Variants in DDC observed in about 807,000 individuals in gnomAD.
DDC encodes the protein aromatic-L-amino-acid decarboxylase.
Under a neutral mutation model 60.0 loss-of-function variants are expected in DDC, and 43 were observed. That is an observed-to-expected ratio of 0.72 (90% CI 0.56 to 0.92). The LOEUF is 0.92. DDC is among the 40% of genes least tolerant of loss of function. The pLI, the probability that DDC is intolerant of heterozygous loss-of-function variation, is 0.00. For missense variants in DDC, 573 were observed against 620.2 expected (o/e 0.92, Z 0.81); for synonymous variants, 232 against 234.6 (o/e 0.99, Z 0.10).
chr7:50,483,746 C>CA (rs1279552901), intron 9 of DDC, among the ~76,000 whole-genome samples: 58 of 151,600 alleles, frequency 3.8e-4, no homozygotes, highest in African/African-American at 6.8e-4. Context: ...ACTAAAAATA[C>CA]AAAAAAAATT....
At chr7:50,499,308 C>T in intron 7 of DDC, 66 bp from the exon 8 acceptor site, 2 of 1,101,244 alleles carry the variant, frequency 1.8e-6, no homozygotes, top group African/African-American at 1.5e-5. Flanking sequence ...GCCAGCTGAC[C>T]TCGCCCTGTC....
At chr7:50,533,740 C>A (rs545151975) in intron 4 of DDC, among the ~76,000 whole-genome samples, 1 of 152,182 alleles carries the variant, frequency 6.6e-6, no homozygotes, top group African/African-American at 2.4e-5. Context: ...AAAAGAGTGA[C>A]GTGGCCCACA....
rs542063660 is a variant in DDC, at chr7:50,467,222, G to A, written c.1234C>T (p.Arg412Trp). Reference protein sequence around the residue: ...VEVILGLVCFRLKGSNKVNEA... With the variant: ...VEVILGLVCFWLKGSNKVNEA... ...AATAGATGTAGACAAACCTTTAGCC[G>A]AAAGCAGACAAGCCCCAGAATGACT... Residue 412 changes from arginine (R) to tryptophan (W), a missense_variant, in exon 13 of 15, where the codon CGG (arginine) becomes TGG (tryptophan). Transcript: ENST00000444124. The A allele has an allele frequency of 8.1e-6, 13 of 1,613,664 alleles. No individual in the cohort carries two copies. Among genetic ancestry groups the A allele is most frequent in the African/African-American group, 2.7e-5 (2 of 75,036 alleles).
rs749962958 is a variant in DDC at position 50,499,232 on chromosome 7, T to C, written c.792A>G (p.Glu264=). Reference sequence around the variant, plus strand: ...CTGCATCAACGTGCAGCCATATGTCTTCCTTGTTGCCTAAAGTTCAGAATC... The same window carrying C: ...CTGCATCAACGTGCAGCCATATGTCCTCCTTGTTGCCTAAAGTTCAGAATC... ...LLEVGPICNK[E]DIWLHVDAAY... Residue 264 remains glutamate (E), a synonymous_variant, in exon 8 of 15, where the codon GAA becomes GAG. Coordinates refer to ENST00000444124, the MANE Select transcript of DDC (RefSeq NM_001082971.2). 1.9e-6 allele frequency: 3 copies of C among 1,612,856 alleles called. No individual in the cohort carries two copies. In the African/African-American group the frequency reaches 4.0e-5, roughly 22 times the overall value.
At chr7:50,477,479 A>C in intron 10 of DDC, 1 of 455,084 alleles carries the variant, frequency 2.2e-6, no homozygotes, top group Admixed American at 2.4e-5. Context: ...GGGCTGTGGC[A>C]GGGCCATAGC....
intron 9 of DDC, among the ~76,000 whole-genome samples, chr7:50,493,752 A>G (rs967210982): frequency 3.3e-5 from 5 of 152,274 alleles, no homozygotes; most frequent in Admixed American, 1.3e-4. Context: ...AAGTTTGGGG[A>G]AAAAGACTGA....
chr7:50,482,664 CT>C (rs2042795922), intron 9 of DDC, among the ~76,000 whole-genome samples: 1 of 152,160 alleles, frequency 6.6e-6, no homozygotes, highest in East Asian at 1.9e-4. Flanking sequence ...AATATCGAGT[CT>C]TCTTTATGAA....
intron 4 of DDC, 70 bp from the exon 5 acceptor site, chr7:50,529,412 G>T: frequency 6.4e-7 from 1 of 1,561,402 alleles, no homozygotes; most frequent in Non-Finnish European, 8.8e-7. Flanking sequence ...ACTATTGGAA[G>T]ACATATTGTT....
chr7:50,484,552 T>A (rs557553619), intron 9 of DDC, among the ~76,000 whole-genome samples: 1 of 152,206 alleles, frequency 6.6e-6, no homozygotes, highest in South Asian at 2.1e-4. Context: ...CTCTTCAATA[T>A]TTAGGTACTA....
At chr7:50,523,556 G>A (rs1406559758) in intron 6 of DDC, among the ~76,000 whole-genome samples, 1 of 151,990 alleles carries the variant, frequency 6.6e-6, no homozygotes, top group Non-Finnish European at 1.5e-5. Context: ...TAGCAAATAA[G>A]CACATGAAAT....
chr7:50,465,112 CAAATA>C (rs1393244679), intron 13 of DDC, among the ~76,000 whole-genome samples: 2 of 151,976 alleles, frequency 1.3e-5, no homozygotes, highest in African/African-American at 2.4e-5. Flanking sequence ...ACAAATTATG[CAAATA>C]AAATAAAAGC....
intron 6 of DDC, among the ~76,000 whole-genome samples, chr7:50,510,498 A>G (rs910178716): frequency 6.6e-6 from 1 of 151,240 alleles, no homozygotes; most frequent in African/African-American, 2.4e-5. Context: ...GTGAAACCTC[A>G]TCTCTACCAA....
intron 3 of DDC, among the ~76,000 whole-genome samples, chr7:50,538,550 A>G (rs2044498006): frequency 6.6e-6 from 1 of 152,204 alleles, no homozygotes; most frequent in Non-Finnish European, 1.5e-5. Context: ...CACCAGTAAG[A>G]TCTAAGTGAG....
intron 9 of DDC, among the ~76,000 whole-genome samples, chr7:50,488,178 T>C (rs934301190): frequency 6.6e-6 from 1 of 151,906 alleles, no homozygotes; most frequent in Non-Finnish European, 1.5e-5. Flanking sequence ...TATAATAGAA[T>C]AAATGCTTGT....
intron 6 of DDC, among the ~76,000 whole-genome samples, chr7:50,509,267 AT>A (rs1408688322): frequency 2.6e-5 from 4 of 152,202 alleles, no homozygotes; most frequent in Admixed American, 2.6e-4. Flanking sequence ...TGTGGCTTCT[AT>A]CAGCAGAATG....
intron 3 of DDC, among the ~76,000 whole-genome samples, chr7:50,538,646 C>A (rs1404358752): frequency 6.6e-6 from 1 of 152,218 alleles, no homozygotes; most frequent in Non-Finnish European, 1.5e-5. Flanking sequence ...GGAGCCTATG[C>A]TCTCTGCTAG....
At chr7:50,541,522 A>C (rs954595436) in intron 2 of DDC, 1 of 152,236 alleles carries the variant, frequency 6.6e-6, no homozygotes, top group South Asian at 2.1e-4. Flanking sequence ...CCTTAATAAG[A>C]TTAGTGCCCC....
chr7:50,545,043 C>T (rs1395525528), intron 1 of DDC, among the ~76,000 whole-genome samples: 2 of 152,112 alleles, frequency 1.3e-5, no homozygotes, highest in African/African-American at 2.4e-5. Context: ...TTCTGCACCA[C>T]ATTTGGGGGT....
chr7:50,471,641 C>T (rs1232414776), intron 11 of DDC, among the ~76,000 whole-genome samples: 1 of 152,176 alleles, frequency 6.6e-6, no homozygotes, highest in African/African-American at 2.4e-5. Flanking sequence ...CGGATCCCCA[C>T]TTTCTTGGAG....
Sources: gnomAD v4.1 joint callset for allele counts (sites outside exome capture counted in the v4.1 genomes callset) on GRCh38, gnomAD v4.1.1 for gene constraint, MANE v1.5 for transcripts, NCBI Gene and HGNC (gene_info 2026-07-23, HGNC 2026-07-21) for gene names.